The following CDH3 variants were observed in gnomAD, a reference collection of about 807,000 sequenced individuals.
CDH3 encodes the protein cadherin-3.
In CDH3, 54 loss-of-function variants were observed where a neutral mutation model predicts 82.0. The observed-to-expected ratio is 0.66, with a 90% CI of 0.53 to 0.83. The LOEUF is 0.83. Among genes scored for constraint, CDH3 ranks in the 40% least tolerant of loss-of-function variants. The pLI, the probability that CDH3 is intolerant of heterozygous loss-of-function variation, is 0.00. For synonymous variants in CDH3, 446 were observed against 437.9 expected (o/e 1.02, Z -0.23); for missense variants, 1,054 against 1,084.6 (o/e 0.97, Z 0.40).
chr16:68,678,539 C>T lies in CDH3; in HGVS notation c.429C>T (p.Tyr143=), dbSNP rs1961101875. Residue 143 remains tyrosine, a synonymous_variant, in exon 5 of 16, where the codon TAC becomes TAT. Transcript: ENST00000264012. The part of the protein sequence containing the change: ...SNKDRDTKIF[Y]SITGPGADSP... ...AAGATAGAGACACCAAGATTTTCTA[C>T]AGCATCACGGGGCCGGGGGCAGACA... 2.5e-6 allele frequency: 4 copies of T among 1,614,124 alleles called. No homozygotes were observed. Among genetic ancestry groups the T allele is most frequent in the African/African-American group, 1.3e-5 (1 of 74,948 alleles).
Position 68,682,340 on chromosome 16 carries a change from G to A in CDH3, c.1035G>A (p.Glu345=), listed in dbSNP as rs1961251945. The change falls in exon 9 of 16, where the codon GAG becomes GAA. Residue 345 remains glutamate (E), a synonymous_variant. Coordinates refer to ENST00000264012, the MANE Select transcript of CDH3 (RefSeq NM_001793.6). ...AHVPENAVGH[E]VQRLTVTDLD... is the part of the protein sequence containing the mutation. ...TGCCTGAGAATGCAGTGGGCCATGA[G>A]GTGCAGAGGCTGACGGTCACTGATC... 2 of 1,613,896 alleles carry A rather than the reference G, an allele frequency of 1.2e-6. No individual in the cohort carries two copies. Among genetic ancestry groups the A allele is most frequent in the Non-Finnish European group, 1.7e-6 (2 of 1,180,036 alleles).
chr16:68,731,041 AAAAAAAATATATAT>A (rs1284030462), downstream of CDH3, among the ~76,000 whole-genome samples: 59 of 27,158 alleles, frequency 2.2e-3, no homozygotes, highest in South Asian at 0.012. Context: ...AAAAAAAAAA[AAAAAAAATATATAT>A]ATATATATAT....
rs541668504 is a variant in CDH3, at chr16:68,710,207, C to T, written c.100-12218C>T. Among the ~76,000 whole-genome samples the T allele has an allele frequency of 2.0e-5, 3 of 152,342 alleles. No individual in the cohort carries two copies. In the East Asian group the frequency reaches 5.8e-4, roughly 29 times the overall value. ...CTGCGCTCTGCACCCTCTATGGCCA[C>T]AGCTCCTGTCATGTGGACCCTCTTC... is the stretch of plus-strand genomic sequence containing the variant. On this transcript the variant is annotated intron_variant, in intron 1 of 2. Coordinates refer to the CDH3 transcript ENST00000569080.
At chr16:68,723,082 T>C (rs534246785) in intron 2 of CDH3, among the ~76,000 whole-genome samples, 29 of 151,748 alleles carry the variant, frequency 1.9e-4, no homozygotes, top group Admixed American at 5.3e-4. Flanking sequence ...AGAGATAATA[T>C]TTGACATATA....
chr16:68,693,668 C>T (rs1029841592), intron 13 of CDH3, among the ~76,000 whole-genome samples: 3 of 152,236 alleles, frequency 2.0e-5, no homozygotes, highest in African/African-American at 7.2e-5. Context: ...CCCACATGTG[C>T]ATGCATCTTC....
At chr16:68,649,689 G>A (rs1960182755) in intron 2 of CDH3, among the ~76,000 whole-genome samples, 1 of 152,148 alleles carries the variant, frequency 6.6e-6, no homozygotes. Context: ...AGATGAAGCA[G>A]TATAGCTGGT....
rs376297466 is a variant in CDH3, at chr16:68,684,749, A to G, written c.1349A>G (p.Gln450Arg). 1.3e-5 allele frequency: 21 copies of G among 1,614,208 alleles called. No individual in the cohort carries two copies. The highest frequency in any genetic ancestry group is 3.3e-5 in the Admixed American group (2 of 60,014). Reference protein sequence around the residue: ...FVPPSKVVEVQEGIPTGEPVC... With the variant: ...FVPPSKVVEVREGIPTGEPVC... Reference sequence around the variant, plus strand: ...CCACCCTCCAAAGTCGTTGAGGTCCAGGAGGGCATCCCCACTGGGGAGCCT... The same window carrying G: ...CCACCCTCCAAAGTCGTTGAGGTCCGGGAGGGCATCCCCACTGGGGAGCCT... The change falls in exon 10 of 16, where the codon CAG becomes CGG. Residue 450 changes from glutamine (Q) to arginine (R), a missense_variant. By Grantham distance (43) the Gln-to-Arg change is conservative. Transcript: ENST00000264012.
At chr16:68,686,326 T>A (rs555245625) in intron 11 of CDH3, 2 of 884,462 alleles carry the variant, frequency 2.3e-6, no homozygotes, top group East Asian at 4.8e-5. Context: ...ACCGCATGTC[T>A]CTCCTTGCGG....
At position 68,687,498 on chromosome 16, in the gene CDH3, G is replaced by A; in HGVS notation, c.1571-14G>A. 4.3e-6 allele frequency: 7 copies of A among 1,610,758 alleles called. No individual in the cohort carries two copies. The highest frequency in any genetic ancestry group is 1.1e-5 in the South Asian group (1 of 91,012). ...GGGTCACAGGGAGCTCATCATATGTGTCATTACAAACAGGAAGCCCTCCCA... is the reference window on the plus strand; with the variant it reads ...GGGTCACAGGGAGCTCATCATATGTATCATTACAAACAGGAAGCCCTCCCA... On this transcript the variant is annotated splice_polypyrimidine_tract_variant and intron_variant, in intron 11 of 15. Coordinates refer to ENST00000264012, the MANE Select transcript of CDH3 (RefSeq NM_001793.6).
chr16:68,699,775 T>C lies in CDH3; in HGVS notation c.*1375T>C, dbSNP rs942979742. 1 of 152,222 alleles carries C rather than the reference T, an allele frequency of 6.6e-6. No homozygotes were observed. Among genetic ancestry groups the C allele is most frequent in the African/African-American group, 2.4e-5 (1 of 41,452 alleles). The allele number at this position is 152,222 out of a possible 1,614,324, so 9.4% of individuals were successfully genotyped here. On this transcript the variant is annotated 3_prime_UTR_variant, in exon 16 of 16. Transcript: ENST00000264012. Reference sequence around the variant, plus strand: ...TCCCAAAGTGCTAGGATTACAGGCTTGAGCCACCGCGCCCAGCGCTGGCAC... The same window carrying C: ...TCCCAAAGTGCTAGGATTACAGGCTCGAGCCACCGCGCCCAGCGCTGGCAC...
In CDH3 at chr16:68,681,106, C is replaced by T. The variant is rs1961215698; in HGVS notation, c.996+10C>T. 2 of 1,613,784 alleles carry T rather than the reference C, an allele frequency of 1.2e-6. No individual in the cohort carries two copies. Among genetic ancestry groups the T allele is most frequent in the Non-Finnish European group, 1.7e-6 (2 of 1,179,886 alleles). ...GTTTGACCCCCAGAAGGTAATGCCC[C>T]TTCCTCACTCAGTCCCTCATCAGAT... On this transcript the variant is annotated intron_variant, in intron 8 of 15. Coordinates refer to ENST00000264012, the MANE Select transcript of CDH3 (RefSeq NM_001793.6).
chr16:68,645,932 G>C, intron 2 of CDH3, 182 bp downstream of exon 2: 1 of 599,210 alleles, frequency 1.7e-6, no homozygotes, highest in East Asian at 2.8e-5. Flanking sequence ...AGGCTGGGCA[G>C]CAGAGCGCCT....
At chr16:68,704,559 A>G (rs1961937646), downstream of CDH3, among the ~76,000 whole-genome samples, 1 of 152,222 alleles carries the variant, frequency 6.6e-6, no homozygotes, top group African/African-American at 2.4e-5. Context: ...CAGCGCATAG[A>G]ACTCCCAGCC....
At chr16:68,679,692 C>G (rs1208205649) in intron 6 of CDH3, 107 bp from the exon 7 acceptor site, 1 of 507,706 alleles carries the variant, frequency 2.0e-6, no homozygotes, top group Non-Finnish European at 3.1e-6. Flanking sequence ...GAGACTTCAT[C>G]TCAAAAAAAA....
rs34099768 is a variant in CDH3 at position 68,699,484 on chromosome 16, ATT to A, written c.*1100_*1101del. On this transcript the variant is annotated 3_prime_UTR_variant, in exon 16 of 16. Transcript: ENST00000264012. The stretch of plus-strand genomic sequence containing the variant: ...AGCCAGCTCTGCTACTTGCTAGCAC[ATT>A]TTTTTTTTTTTTTTTGAGACGGAGT... The A allele has an allele frequency of 0.25, 34,803 of 139,822 alleles. 4,247 individuals carry two copies. Among genetic ancestry groups the A allele is most frequent in the Admixed American group, 0.29 (4,077 of 13,956 alleles). The allele number at this position is 139,822 out of a possible 1,614,324, so 8.7% of individuals were successfully genotyped here.
rs773298688 is a variant in CDH3, at chr16:68,695,835, G to T, written c.2192G>T (p.Arg731Leu). 2 of 1,613,944 alleles carry T rather than the reference G, an allele frequency of 1.2e-6. No individual in the cohort carries two copies. Residue 731 changes from arginine (R) to leucine (L), a missense_variant, in exon 15 of 16, where the codon CGC (arginine) becomes CTC (leucine). By Grantham distance (102) the Arg-to-Leu change is moderately radical. Transcript: ENST00000264012. The stretch of plus-strand genomic sequence containing the variant: ...GAGGCCAGGCCGGAGGTGGTTCTCC[G>T]CAATGACGTGGCACCAACCATCATC... The part of the protein sequence containing the change: ...GLEARPEVVL[R>L]NDVAPTIIPT...
At chr16:68,660,225 T>G (rs1398708458) in intron 2 of CDH3, among the ~76,000 whole-genome samples, 1 of 152,250 alleles carries the variant, frequency 6.6e-6, no homozygotes, top group African/African-American at 2.4e-5. Context: ...ATACAGACTC[T>G]GCTGTAAACT....
At chr16:68,668,566 C>T (rs944121265) in intron 2 of CDH3, among the ~76,000 whole-genome samples, 18 of 152,160 alleles carry the variant, frequency 1.2e-4, no homozygotes, top group African/African-American at 4.1e-4. Flanking sequence ...TAGCAAGTTT[C>T]CCTAGAAAGG....
At chr16:68,729,220 G>A (rs1245243876), downstream of CDH3, among the ~76,000 whole-genome samples, 1 of 152,216 alleles carries the variant, frequency 6.6e-6, no homozygotes, top group Non-Finnish European at 1.5e-5. Flanking sequence ...CAGGAGAATT[G>A]CTTGAACCCG....
Sources: allele counts gnomAD v4.1 joint callset (sites outside exome capture counted in the v4.1 genomes callset), GRCh38; gene constraint gnomAD v4.1.1; transcripts MANE v1.5; gene names NCBI Gene and HGNC (gene_info 2026-07-23, HGNC 2026-07-21).